SPESP1: variants seen among roughly 807,000 people sequenced by gnomAD.
SPESP1 encodes the protein equatorial segment protein.
SPESP1 carries 1 observed loss-of-function variant against 3.1 expected under a neutral mutation model. That is an observed-to-expected ratio of 0.33 (90% CI 0.12 to 1.54). The LOEUF is 1.54. Ranked by LOEUF, SPESP1 falls within the 40% of genes most tolerant of loss-of-function variation. SPESP1 has a pLI of 0.38. For missense variants in SPESP1, 398 were observed against 410.1 expected (o/e 0.97, Z 0.26); for synonymous variants, 138 against 150.7 (o/e 0.92, Z 0.62).
intron 1 of SPESP1, among the ~76,000 whole-genome samples, chr15:68,934,976 T>G (rs1000761327): frequency 6.6e-6 from 1 of 152,160 alleles, no homozygotes. Flanking sequence ...AAGCCCACTT[T>G]GTGTCTTTCC....
At chr15:68,942,187 G>A (rs568862817) in intron 1 of SPESP1, among the ~76,000 whole-genome samples, 91 of 123,024 alleles carry the variant, frequency 7.4e-4, no homozygotes, top group African/African-American at 3.4e-3. Context: ...TTTTTGAGAC[G>A]GAGTCTCGCT....
intron 1 of SPESP1, among the ~76,000 whole-genome samples, chr15:68,934,696 G>A (rs940958481): frequency 1.3e-5 from 2 of 152,050 alleles, no homozygotes; most frequent in Admixed American, 6.5e-5. Context: ...GATAATATAT[G>A]TGAAATTAAA....
intron 1 of SPESP1, among the ~76,000 whole-genome samples, chr15:68,934,976 T>C (rs1000761327): frequency 6.6e-6 from 1 of 152,278 alleles, no homozygotes; most frequent in Non-Finnish European, 1.5e-5. Flanking sequence ...AAGCCCACTT[T>C]GTGTCTTTCC....
chr15:68,933,184 C>T (rs1158416505), intron 1 of SPESP1, among the ~76,000 whole-genome samples: 2 of 152,142 alleles, frequency 1.3e-5, no homozygotes, highest in Admixed American at 6.5e-5. Flanking sequence ...GCAAACATCA[C>T]GGGTGTATTA....
At chr15:68,942,215 G>A (rs1023090541) in intron 1 of SPESP1, among the ~76,000 whole-genome samples, 6 of 150,556 alleles carry the variant, frequency 4.0e-5, no homozygotes, top group Admixed American at 3.3e-4. Context: ...CCAGGCTGGA[G>A]TGCTTATTTC....
At chr15:68,936,010 A>T (rs16952661) in intron 1 of SPESP1, among the ~76,000 whole-genome samples, 10,506 of 152,246 alleles carry the variant, frequency 0.069, 441 homozygotes, top group East Asian at 0.18. Context: ...TTCTTACTTT[A>T]GTACTTAACT....
At chr15:68,932,099 G>A (rs1895558504) in intron 1 of SPESP1, among the ~76,000 whole-genome samples, 1 of 152,072 alleles carries the variant, frequency 6.6e-6, no homozygotes, top group African/African-American at 2.4e-5. Context: ...AAAAAGTTTT[G>A]TAAAATTTTT....
chr15:68,945,296 T>C (rs1277028272), intron 1 of SPESP1, among the ~76,000 whole-genome samples: 3 of 152,200 alleles, frequency 2.0e-5, no homozygotes, highest in African/African-American at 7.2e-5. Flanking sequence ...AGAATTTTCG[T>C]TTAATAAGTT....
chr15:68,930,531 G>A lies in SPESP1; in HGVS notation c.-123G>A. The A allele has an allele frequency of 7.4e-7, 1 of 1,348,220 alleles. No individual in the cohort carries two copies. The highest frequency in any genetic ancestry group is 1.3e-5 in the South Asian group (1 of 79,916). 83.5% of individuals were successfully genotyped at this position (1,348,220 alleles called of 1,614,324 possible). The stretch of plus-strand genomic sequence containing the variant: ...TTGCGCGCTGGGGACAACCGTTGCT[G>A]GGTGTCCCAGGGCCTGAGGCAGGAC... On this transcript the variant is annotated 5_prime_UTR_variant, in exon 1 of 2. Transcript: ENST00000310673.
intron 1 of SPESP1, among the ~76,000 whole-genome samples, chr15:68,942,137 A>AT (rs199679114): frequency 0.011 from 1,568 of 141,864 alleles, 29 homozygotes; most frequent in African/African-American, 0.04. Flanking sequence ...ATTTTGTTTC[A>AT]TTTTTTCTGT....
rs1231935439 is a variant in SPESP1, at chr15:68,946,359, A to G, written c.825A>G (p.Leu275=). The change falls in exon 2 of 2, where the codon TTA becomes TTG. Residue 275 remains leucine, a synonymous_variant. Coordinates refer to ENST00000310673, the MANE Select transcript of SPESP1 (RefSeq NM_145658.4). ...LALAAAAEHK[L]KTMYKSQLLP... Reference sequence around the variant, plus strand: ...TAGCAGCAGCAGCAGAACATAAATTAAAAACAATGTATAAGTCCCAGTTAT... The same window carrying G: ...TAGCAGCAGCAGCAGAACATAAATTGAAAACAATGTATAAGTCCCAGTTAT... The G allele has an allele frequency of 3.1e-6, 5 of 1,614,220 alleles. No individual in the cohort carries two copies. The East Asian group carries it at 1.1e-4, about 36-fold the overall frequency.
chr15:68,942,305 T>C (rs956046951), intron 1 of SPESP1, among the ~76,000 whole-genome samples: 1 of 152,182 alleles, frequency 6.6e-6, no homozygotes, highest in Non-Finnish European at 1.5e-5. Flanking sequence ...TGAAATTCTC[T>C]TACTAATTGT....
At chr15:68,942,665 ATATCT>A (rs982073488) in intron 1 of SPESP1, among the ~76,000 whole-genome samples, 4 of 152,202 alleles carry the variant, frequency 2.6e-5, no homozygotes, top group South Asian at 2.1e-4. Context: ...ATAAAGAATA[ATATCT>A]TATTAGTGAT....
At chr15:68,941,566 A>G (rs145868348) in intron 1 of SPESP1, among the ~76,000 whole-genome samples, 1 of 140,256 alleles carries the variant, frequency 7.1e-6, no homozygotes, top group Non-Finnish European at 1.6e-5. Flanking sequence ...ACATCAGTCT[A>G]ATCTCTGCCT....
Position 68,945,925 on chromosome 15 carries a change from A to C in SPESP1, c.391A>C (p.Ile131Leu), listed in dbSNP as rs1895948764. The C allele has an allele frequency of 6.8e-6, 11 of 1,614,088 alleles. No individual in the cohort carries two copies. The highest frequency in any genetic ancestry group is 9.3e-6 in the Non-Finnish European group (11 of 1,180,014). The part of the protein sequence containing the change: ...FWSIKPNNVS[I>L]VLHAEEPYIE... ...GTCGATCAAACCAAACAATGTTTCCATTGTTTTGCATGCAGAGGAACCTTA... is the reference window on the plus strand; with the variant it reads ...GTCGATCAAACCAAACAATGTTTCCCTTGTTTTGCATGCAGAGGAACCTTA... The change falls in exon 2 of 2, where the codon ATT becomes CTT. Residue 131 changes from isoleucine to leucine, a missense_variant. By Grantham distance (5) the Ile-to-Leu change is conservative. Coordinates refer to ENST00000310673, the MANE Select transcript of SPESP1 (RefSeq NM_145658.4).
At chr15:68,941,268 G>A (rs1895815819) in intron 1 of SPESP1, among the ~76,000 whole-genome samples, 1 of 152,128 alleles carries the variant, frequency 6.6e-6, no homozygotes, top group Admixed American at 6.5e-5. Flanking sequence ...TTTCATCTGA[G>A]AACATGGTAT....
At chr15:68,932,636 T>G (rs1489195851) in intron 1 of SPESP1, among the ~76,000 whole-genome samples, 3 of 152,064 alleles carry the variant, frequency 2.0e-5, no homozygotes, top group African/African-American at 7.2e-5. Context: ...AAATGATCCA[T>G]CCGCCTCGGC....
At chr15:68,940,705 T>C (rs986257932) in intron 1 of SPESP1, among the ~76,000 whole-genome samples, 3 of 152,050 alleles carry the variant, frequency 2.0e-5, no homozygotes, top group Non-Finnish European at 1.5e-5. Context: ...CCTATATATT[T>C]TCTGTATATT....
intron 1 of SPESP1, among the ~76,000 whole-genome samples, chr15:68,942,308 C>T (rs957930050): frequency 6.6e-6 from 1 of 151,998 alleles, no homozygotes; most frequent in Non-Finnish European, 1.5e-5. Context: ...AATTCTCTTA[C>T]TAATTGTAGT....
Sources: gnomAD v4.1 joint callset for allele counts (sites outside exome capture counted in the v4.1 genomes callset) on GRCh38, gnomAD v4.1.1 for gene constraint, MANE v1.5 for transcripts, NCBI Gene and HGNC (gene_info 2026-07-23, HGNC 2026-07-21) for gene names.